GLDC: variants seen among roughly 807,000 people sequenced by gnomAD.
The protein encoded by GLDC is glycine decarboxylase, also known as glycine dehydrogenase (decarboxylating), mitochondrial.
In GLDC, 104 loss-of-function variants were observed where a neutral mutation model predicts 121.3. The ratio of observed to expected loss-of-function variants is 0.86; its 90% confidence interval spans 0.73 to 1.01. The LOEUF is 1.01. Among genes scored for constraint, GLDC ranks in the 50% least tolerant of loss-of-function variants. GLDC has a pLI of 0.00. For synonymous variants in GLDC, 546 were observed against 480.6 expected, an observed-to-expected ratio of 1.14 and a Z score of -1.78; for missense variants, 1,429 against 1,306.6, an observed-to-expected ratio of 1.09 and a Z score of -1.44.
intron 15 of GLDC, among the ~76,000 whole-genome samples, chr9:6,573,024 G>T (rs930853044): frequency 6.6e-6 from 1 of 152,104 alleles, no homozygotes; most frequent in Non-Finnish European, 1.5e-5. Context: ...AAAGCTGTCT[G>T]GCTCCAAGCA....
rs150943866 is a variant in GLDC, at chr9:6,556,229, T to C, written c.2126A>G (p.Asn709Ser). The C allele has an allele frequency of 4.7e-5, 76 of 1,612,448 alleles. No individual in the cohort carries two copies. The African/African-American group carries it at 9.3e-4, about 20-fold the overall frequency. ...GATGAGGTCACACACGTCACTGATG[T>C]TCTCTTCAAACACCCCATTGGTGGA... ...YPSTNGVFEENISDVCDLIHQ... is the reference protein window; with the variant it reads ...YPSTNGVFEESISDVCDLIHQ... The change falls in exon 18 of 25, where the codon AAC (asparagine) becomes AGC (serine). Residue 709 changes from asparagine (N) to serine (S), a missense_variant. Physicochemically the swap from Asn to Ser is conservative, Grantham distance 46 (BLOSUM62 1). Coordinates refer to ENST00000321612, the MANE Select transcript of GLDC (RefSeq NM_000170.3).
intron 8 of GLDC, 133 bp downstream of exon 8, chr9:6,601,976 A>G (rs1310159998): frequency 1.5e-6 from 1 of 687,460 alleles, no homozygotes; most frequent in East Asian, 2.8e-5. Flanking sequence ...TTCTACACCA[A>G]TAAGATCTTG....
At chr9:6,546,535 G>C (rs1817393447) in intron 21 of GLDC, among the ~76,000 whole-genome samples, 1 of 151,916 alleles carries the variant, frequency 6.6e-6, no homozygotes, top group Non-Finnish European at 1.5e-5. Flanking sequence ...AAGGTGTTCA[G>C]GGACAGTAAC....
Position 6,606,793 on chromosome 9 carries a change from C to T in GLDC, c.636-124G>A. On this transcript the variant is annotated intron_variant, in intron 4 of 24. Transcript: ENST00000321612. ...CACAGTATAAAAAATACTGAGTAGG[C>T]CGGGTGCGGTGGCTCACGCCTGTAA... The T allele has an allele frequency of 5.4e-6, 4 of 738,368 alleles. No individual in the cohort carries two copies. The South Asian group carries it at 5.7e-5, about 10-fold the overall frequency. 45.7% of individuals were successfully genotyped at this position (738,368 alleles called of 1,614,324 possible). A position where few individuals can be genotyped will look rare whatever the true frequency, so the allele number is the denominator to read the frequency against.
At chr9:6,594,700 G>GAAGC (rs936366388) in intron 9 of GLDC, among the ~76,000 whole-genome samples, 16 of 150,956 alleles carry the variant, frequency 1.1e-4, no homozygotes, top group African/African-American at 2.0e-4. Flanking sequence ...ATTAAGCAAG[G>GAAGC]AAGCAAGCAA....
intron 1 of GLDC, among the ~76,000 whole-genome samples, 172 bp downstream of exon 1, chr9:6,645,073 A>C (rs1385625586): frequency 1.3e-5 from 2 of 152,220 alleles, no homozygotes; most frequent in Non-Finnish European, 2.9e-5. Flanking sequence ...TTAAGAAGTA[A>C]GAAGGCACGA....
intron 2 of GLDC, among the ~76,000 whole-genome samples, chr9:6,622,200 C>G (rs1271097037): frequency 6.7e-6 from 1 of 150,332 alleles, no homozygotes; most frequent in African/African-American, 2.5e-5. Flanking sequence ...ACTCCGCACT[C>G]CACATGCTTT....
At chr9:6,634,824 C>T (rs1212905600) in intron 2 of GLDC, among the ~76,000 whole-genome samples, 1 of 152,150 alleles carries the variant, frequency 6.6e-6, no homozygotes, top group Non-Finnish European at 1.5e-5. Flanking sequence ...CCCCTTCCCT[C>T]TCCCGCTTCT....
chr9:6,544,661 G>C (rs1463980790), intron 21 of GLDC, among the ~76,000 whole-genome samples: 1 of 148,424 alleles, frequency 6.7e-6, no homozygotes, highest in Non-Finnish European at 1.5e-5. Context: ...AAAAAAAATG[G>C]ATAGGCATAT....
At chr9:6,628,243 T>A (rs1055852513) in intron 2 of GLDC, among the ~76,000 whole-genome samples, 7 of 152,210 alleles carry the variant, frequency 4.6e-5, no homozygotes, top group African/African-American at 1.4e-4. Context: ...CTTTTCCTCC[T>A]GAGTAGTAAA....
intron 9 of GLDC, among the ~76,000 whole-genome samples, chr9:6,594,353 A>G (rs975242864): frequency 3.2e-4 from 48 of 152,076 alleles, no homozygotes; most frequent in African/African-American, 1.1e-3. Flanking sequence ...AGAGTTCTAC[A>G]TATTAAAAAT....
intron 5 of GLDC, 177 bp from the exon 6 acceptor site, chr9:6,605,455 A>G (rs1818710415): frequency 3.0e-6 from 2 of 668,264 alleles, no homozygotes; most frequent in African/African-American, 3.5e-5. Context: ...CAGCAACTCA[A>G]GCGCATCCAA....
In GLDC at chr9:6,645,417, G is replaced by T; in HGVS notation, c.83C>A (p.Pro28Gln). Residue 28 changes from proline (P) to glutamine (Q), a missense_variant, in exon 1 of 25, where the codon CCG becomes CAG. Transcript: ENST00000321612. ...GTCCCGGCTCCGCGGCGCCCAGCAC[G>T]GCCCCGATCCCCCAGCCAGGCGGCG... ...GGRRLAGGSGPCWAPRSRDSS... is the reference protein window; with the variant it reads ...GGRRLAGGSGQCWAPRSRDSS... The T allele has an allele frequency of 2.2e-6, 3 of 1,354,490 alleles. No individual in the cohort carries two copies. The highest frequency in any genetic ancestry group is 2.8e-6 in the Non-Finnish European group (3 of 1,056,306). The allele number at this position is 1,354,490 out of a possible 1,614,324, so 83.9% of individuals were successfully genotyped here.
At chr9:6,630,996 C>T (rs1473093720) in intron 2 of GLDC, among the ~76,000 whole-genome samples, 1 of 152,154 alleles carries the variant, frequency 6.6e-6, no homozygotes, top group Admixed American at 6.5e-5. Context: ...TTGAATCGTT[C>T]GAGAAAGCCA....
At chr9:6,564,417 G>A (rs1433872609) in intron 16 of GLDC, among the ~76,000 whole-genome samples, 1 of 152,084 alleles carries the variant, frequency 6.6e-6, no homozygotes, top group Non-Finnish European at 1.5e-5. Context: ...CAAATTCCAG[G>A]CAACTAGCCA....
Position 6,592,211 on chromosome 9 carries a change from G to T in GLDC, c.1414C>A (p.Leu472Ile). 6.3e-7 allele frequency: 1 copy of T among 1,599,258 alleles called. No homozygotes were observed. The highest frequency in any genetic ancestry group is 8.6e-7 in the Non-Finnish European group (1 of 1,166,910). ...TCTTTTTCATTGACTGTTTCATCAA[G>T]AGAAATACCAAGCTACAGAAACACA... ...LFEDGTLGIS[L>I]DETVNEKDLD... Residue 472 changes from leucine (L) to isoleucine (I), a missense_variant, in exon 11 of 25, where the codon CTT (leucine) becomes ATT (isoleucine). By Grantham distance (5) the Leu-to-Ile change is conservative (BLOSUM62 2). Coordinates refer to ENST00000321612, the MANE Select transcript of GLDC (RefSeq NM_000170.3).
At position 6,534,725 on chromosome 9, in the gene GLDC, C is replaced by A; in HGVS notation, c.2902G>T (p.Val968Leu). The change falls in exon 24 of 25, where the codon GTG (valine) becomes TTG (leucine). Residue 968 changes from valine (V) to leucine (L), a missense_variant. Coordinates refer to ENST00000321612, the MANE Select transcript of GLDC (RefSeq NM_000170.3). ...SHWDRPYSREVAAFPLPFVKP... is the reference protein window; with the variant it reads ...SHWDRPYSRELAAFPLPFVKP... ...GAACTTACGAGTGGGAATGCTGCCA[C>A]CTCTCTGGAATAAGGCCGGTCCCAG... The A allele has an allele frequency of 6.3e-7, 1 of 1,598,278 alleles. No individual in the cohort carries two copies.
intron 22 of GLDC, among the ~76,000 whole-genome samples, chr9:6,536,700 G>A (rs1173054509): frequency 6.6e-6 from 1 of 152,148 alleles, no homozygotes; most frequent in South Asian, 2.1e-4. Flanking sequence ...CACTTCGATT[G>A]TATTTTAGAG....
Position 6,573,416 on chromosome 9 carries a change from G to A in GLDC, c.1851-7987C>T, listed in dbSNP as rs10122606. Among the ~76,000 whole-genome samples, 979 of 152,140 alleles carry A rather than the reference G, an allele frequency of 6.4e-3. 11 individuals are homozygous for A. Among genetic ancestry groups the A allele is most frequent in the African/African-American group, 0.022 (900 of 41,488 alleles). On this transcript the variant is annotated intron_variant, in intron 15 of 24. Transcript: ENST00000321612. Reference sequence around the variant, plus strand: ...GCAGACGTTGCAGTGAGCTGAGATCGTGCCACTGTACTCCAGCCTGGGCAA... The same window carrying A: ...GCAGACGTTGCAGTGAGCTGAGATCATGCCACTGTACTCCAGCCTGGGCAA...
Sources: allele counts gnomAD v4.1 joint callset (sites outside exome capture counted in the v4.1 genomes callset), GRCh38; gene constraint gnomAD v4.1.1; transcripts MANE v1.5; gene names NCBI Gene and HGNC (gene_info 2026-07-23, HGNC 2026-07-21).